RUFY3: variants seen among roughly 807,000 people sequenced by gnomAD.
RUFY3 encodes the protein protein RUFY3.
In RUFY3, 34 loss-of-function variants were observed where a neutral mutation model predicts 84.0. That is an observed-to-expected ratio of 0.40 (90% CI 0.31 to 0.54). The LOEUF is 0.54. RUFY3 is among the 20% of genes least tolerant of loss of function. RUFY3 has a pLI of 0.39. For synonymous variants in RUFY3, 242 were observed against 252.9 expected, an observed-to-expected ratio of 0.96 and a Z score of 0.41; for missense variants, 507 against 736.8, an observed-to-expected ratio of 0.69 and a Z score of 3.61.
At chr4:70,768,480 G>T in intron 4 of RUFY3, 58 bp from the exon 5 acceptor site, 5 of 1,571,100 alleles carry the variant, frequency 3.2e-6, no homozygotes, top group African/African-American at 2.7e-5. Flanking sequence ...TTTTGTCCTT[G>T]TCTCTGGATT....
chr4:70,806,052 G>A (rs1216188195), intron 17 of RUFY3, among the ~76,000 whole-genome samples: 1 of 152,224 alleles, frequency 6.6e-6, no homozygotes, highest in Non-Finnish European at 1.5e-5. Context: ...GAGCACCAGA[G>A]ACCACAGGAA....
intron 1 of RUFY3, among the ~76,000 whole-genome samples, chr4:70,707,265 T>A (rs781045612): frequency 1.3e-5 from 2 of 152,248 alleles, no homozygotes; most frequent in Non-Finnish European, 2.9e-5. Flanking sequence ...TGTATGGTGT[T>A]TTTTTGTTTT....
chr4:70,764,847 G>A (rs1725579481), intron 4 of RUFY3, among the ~76,000 whole-genome samples: 1 of 152,092 alleles, frequency 6.6e-6, no homozygotes, highest in African/African-American at 2.4e-5. Context: ...CATGTGCCCA[G>A]GCTCAATAAG....
In RUFY3 at chr4:70,775,339, T is replaced by C. The variant is rs941006401; in HGVS notation, c.824+106T>C. On this transcript the variant is annotated intron_variant, in intron 7 of 17. Transcript: ENST00000381006. ...AAATTCAGACAGTGTTCAACAAATA[T>C]ATGTAGAATTCCTGTTTGCCAGGCA... The C allele has an allele frequency of 5.5e-5, 38 of 685,076 alleles. No individual in the cohort carries two copies. In the Middle Eastern group the frequency reaches 1.4e-3, roughly 25 times the overall value. 42.4% of individuals were successfully genotyped at this position (685,076 alleles called of 1,614,324 possible). A position where few individuals can be genotyped will look rare whatever the true frequency, so the allele number is the denominator to read the frequency against.
At chr4:70,789,367 A>G in intron 11 of RUFY3, 128 bp from the exon 12 acceptor site, 1 of 938,696 alleles carries the variant, frequency 1.1e-6, no homozygotes, top group Non-Finnish European at 1.6e-6. Flanking sequence ...TTTCCATTTC[A>G]GGATTAACTG....
At chr4:70,752,590 C>G (rs1412228164) in intron 1 of RUFY3, among the ~76,000 whole-genome samples, 1 of 152,158 alleles carries the variant, frequency 6.6e-6, no homozygotes, top group Non-Finnish European at 1.5e-5. Context: ...AGTTCTTTCT[C>G]TTCCTAGTTT....
intron 1 of RUFY3, among the ~76,000 whole-genome samples, chr4:70,709,370 A>G (rs993320078): frequency 6.6e-6 from 1 of 152,238 alleles, no homozygotes; most frequent in Admixed American, 6.5e-5. Context: ...GTTTCATAAT[A>G]CATAAGTACA....
chr4:70,804,438 C>T lies in RUFY3; in HGVS notation c.1719+22C>T, dbSNP rs16845461. On this transcript the variant is annotated intron_variant, in intron 17 of 17. Transcript: ENST00000381006. ...AAAGGTAACTGTGATGAGAAACGGA[C>T]AGGCTTTTCATAGGGATGTCTACAG... 3.3e-3 allele frequency: 5,343 copies of T among 1,604,946 alleles called. 157 individuals carry two copies. In the African/African-American group the frequency reaches 0.055, roughly 17 times the overall value.
At chr4:70,724,570 G>C (rs1717909383) in intron 1 of RUFY3, among the ~76,000 whole-genome samples, 2 of 152,150 alleles carry the variant, frequency 1.3e-5, no homozygotes, top group Non-Finnish European at 2.9e-5. Flanking sequence ...TATAATCTAA[G>C]TAATAAATTG....
intron 10 of RUFY3, among the ~76,000 whole-genome samples, chr4:70,787,226 A>G (rs558378205): frequency 1.4e-5 from 2 of 140,654 alleles, no homozygotes; most frequent in Admixed American, 7.2e-5. Context: ...AAACAAATTG[A>G]CAGTATATAA....
At chr4:70,753,582 C>T (rs745901784) in intron 1 of RUFY3, among the ~76,000 whole-genome samples, 2 of 152,116 alleles carry the variant, frequency 1.3e-5, no homozygotes, top group Non-Finnish European at 2.9e-5. Flanking sequence ...AGTGCAAAAC[C>T]TGATTCAGTG....
intron 1 of RUFY3, among the ~76,000 whole-genome samples, chr4:70,727,635 A>G (rs1268816898): frequency 2.6e-5 from 4 of 151,378 alleles, no homozygotes; most frequent in African/African-American, 9.7e-5. Flanking sequence ...GGATTACAAA[A>G]AATTAGCTGG....
At chr4:70,740,022 A>G (rs1458620224) in intron 1 of RUFY3, among the ~76,000 whole-genome samples, 2 of 151,616 alleles carry the variant, frequency 1.3e-5, no homozygotes, top group Middle Eastern at 3.4e-3. Context: ...TGAAACACCC[A>G]TAGACCTGTT....
At chr4:70,784,928 C>T in intron 10 of RUFY3, 49 bp downstream of exon 10, 1 of 1,324,590 alleles carries the variant, frequency 7.5e-7, no homozygotes, top group Non-Finnish European at 1.0e-6. Flanking sequence ...TAAAAGGTAA[C>T]TGCCCACTTA....
chr4:70,769,098 T>TA lies in RUFY3; in HGVS notation c.696+439dup, dbSNP rs562079459. The stretch of plus-strand genomic sequence containing the variant: ...GGCCAGGTGCGATTGTTCACACCTG[T>TA]AATCCCTGCACTTTGGGGCAGGAGT... On this transcript the variant is annotated intron_variant, in intron 5 of 17. Transcript: ENST00000381006. Among the ~76,000 whole-genome samples, 312 of 152,274 alleles carry TA rather than the reference T, an allele frequency of 2.0e-3. 1 individual carries two copies. Among genetic ancestry groups the TA allele is most frequent in the African/African-American group, 7.1e-3 (293 of 41,550 alleles).
chr4:70,775,703 T>C (rs1727824797), intron 7 of RUFY3, among the ~76,000 whole-genome samples: 1 of 151,418 alleles, frequency 6.6e-6, no homozygotes, highest in African/African-American at 2.4e-5. Flanking sequence ...CCCAACACTT[T>C]GGGAGGCCAA....
At position 70,788,494 on chromosome 4, in the gene RUFY3, A is replaced by G. The variant is rs563935607; in HGVS notation, c.1072-312A>G. Among the ~76,000 whole-genome samples the G allele has an allele frequency of 4.6e-5, 7 of 152,270 alleles. No homozygotes were observed. In the South Asian group the frequency reaches 1.5e-3, roughly 32 times the overall value. Reference sequence around the variant, plus strand: ...TATATTTCTATAATAAGATATGACCATCAGTTGTCGTAATATCTACTGAAG... The same window carrying G: ...TATATTTCTATAATAAGATATGACCGTCAGTTGTCGTAATATCTACTGAAG... On this transcript the variant is annotated intron_variant, in intron 10 of 17. Transcript: ENST00000381006.
At chr4:70,732,405 A>G (rs1460759247) in intron 1 of RUFY3, among the ~76,000 whole-genome samples, 2 of 152,192 alleles carry the variant, frequency 1.3e-5, no homozygotes, top group Non-Finnish European at 2.9e-5. Flanking sequence ...ATTACTCCAT[A>G]AAATCATTTT....
intron 7 of RUFY3, 102 bp downstream of exon 7, chr4:70,775,335 A>G: frequency 1.4e-6 from 1 of 723,568 alleles, no homozygotes. Flanking sequence ...GTGTTCAACA[A>G]ATATATGTAG....
Sources: gnomAD v4.1 joint callset for allele counts (sites outside exome capture counted in the v4.1 genomes callset) on GRCh38, gnomAD v4.1.1 for gene constraint, MANE v1.5 for transcripts, NCBI Gene and HGNC (gene_info 2026-07-23, HGNC 2026-07-21) for gene names.